Variants in DGKI observed in about 807,000 individuals in gnomAD.
DGKI encodes the protein diacylglycerol kinase iota.
Under a neutral mutation model 147.5 loss-of-function variants are expected in DGKI, and 55 were observed. That is an observed-to-expected ratio of 0.37 (90% CI 0.30 to 0.47). DGKI has a LOEUF of 0.47. Among genes scored for constraint, DGKI ranks in the 20% least tolerant of loss-of-function variants. DGKI has a pLI of 1.00. For missense variants in DGKI, 1,007 were observed against 1,323.8 expected (o/e 0.76, Z 3.71); for synonymous variants, 469 against 477.1 (o/e 0.98, Z 0.22).
At chr7:137,580,954 T>C (rs1293654183) in intron 15 of DGKI, among the ~76,000 whole-genome samples, 2 of 152,220 alleles carry the variant, frequency 1.3e-5, no homozygotes, top group East Asian at 3.9e-4. Flanking sequence ...TCTGGTTATA[T>C]ATATTCAGAA....
intron 21 of DGKI, among the ~76,000 whole-genome samples, chr7:137,520,423 A>G (rs1184443668): frequency 3.3e-5 from 5 of 152,082 alleles, no homozygotes; most frequent in African/African-American, 1.2e-4. Flanking sequence ...CTAACACTTT[A>G]TGGATCAAAC....
intron 21 of DGKI, among the ~76,000 whole-genome samples, chr7:137,509,259 T>C (rs1816493982): frequency 1.3e-5 from 2 of 151,954 alleles, no homozygotes; most frequent in Admixed American, 6.6e-5. Flanking sequence ...GTTAGAAAAA[T>C]CATTGGGAGT....
At chr7:137,636,156 C>A (rs1444210953) in intron 6 of DGKI, among the ~76,000 whole-genome samples, 1 of 152,112 alleles carries the variant, frequency 6.6e-6, no homozygotes, top group Non-Finnish European at 1.5e-5. Context: ...ATGCTATGAA[C>A]AATTTTAATA....
chr7:137,512,541 G>A (rs1332913823), intron 21 of DGKI, among the ~76,000 whole-genome samples: 1 of 152,120 alleles, frequency 6.6e-6, no homozygotes, highest in Non-Finnish European at 1.5e-5. Context: ...GGACTAGGCT[G>A]GTCTATAAAT....
chr7:137,434,296 G>A (rs889667357), intron 28 of DGKI, among the ~76,000 whole-genome samples: 5 of 151,798 alleles, frequency 3.3e-5, no homozygotes, highest in African/African-American at 7.3e-5. Context: ...GAGTATTCCC[G>A]CAGCTGGGCA....
At chr7:137,612,927 C>T (rs190013534) in intron 8 of DGKI, among the ~76,000 whole-genome samples, 19 of 152,212 alleles carry the variant, frequency 1.2e-4, no homozygotes, top group African/African-American at 4.3e-4. Flanking sequence ...ACATTCTGTG[C>T]CTGCTCTTTT....
intron 26 of DGKI, among the ~76,000 whole-genome samples, chr7:137,464,496 T>G (rs1814577779): frequency 6.6e-6 from 1 of 152,168 alleles, no homozygotes; most frequent in Non-Finnish European, 1.5e-5. Context: ...GAAGTTGGCC[T>G]TCCCCACCAC....
chr7:137,616,786 G>A (rs1019651132), intron 8 of DGKI, among the ~76,000 whole-genome samples: 3 of 152,182 alleles, frequency 2.0e-5, no homozygotes, highest in East Asian at 3.9e-4. Context: ...GGGTTGCTAA[G>A]GCATCAGCTT....
chr7:137,522,006 A>C lies in DGKI; in HGVS notation c.2148-40T>G, dbSNP rs1440726288. On this transcript the variant is annotated intron_variant, in intron 20 of 32. Transcript: ENST00000614521. ...CCGAGTGGTCAGATACAAATGAGAGAGCGGAATTGGTAGCCATGCACCTGA... is the reference window on the plus strand; with the variant it reads ...CCGAGTGGTCAGATACAAATGAGAGCGCGGAATTGGTAGCCATGCACCTGA... The C allele has an allele frequency of 2.7e-6, 4 of 1,493,968 alleles. No homozygotes were observed. In the African/African-American group the frequency reaches 4.2e-5, roughly 16 times the overall value. 92.5% of individuals were successfully genotyped at this position (1,493,968 alleles called of 1,614,324 possible).
Position 137,654,747 on chromosome 7 carries a change from T to G in DGKI, c.723A>C (p.Ser241=), listed in dbSNP as rs771239617. The G allele has an allele frequency of 1.8e-5, 29 of 1,608,588 alleles. No homozygotes were observed. Among genetic ancestry groups the G allele is most frequent in the Admixed American group, 5.0e-5 (3 of 59,804 alleles). ...RCKPTFREGG[S]RSPRENFVRH... is the part of the protein sequence containing the mutation. The stretch of plus-strand genomic sequence containing the variant: ...AAATACTCACTTCTCTTGGTGACCT[T>G]GAGCCTCCTTCTCGAAATGTTGGTT... The change falls in exon 5 of 33, where the codon TCA becomes TCC. Residue 241 remains serine (S), a synonymous_variant. Coordinates refer to ENST00000614521, the MANE Select transcript of DGKI (RefSeq NM_001321708.2).
At chr7:137,692,787 G>C (rs1823657653) in intron 1 of DGKI, among the ~76,000 whole-genome samples, 1 of 152,114 alleles carries the variant, frequency 6.6e-6, no homozygotes, top group Non-Finnish European at 1.5e-5. Context: ...AGGCCTTTTT[G>C]TTGATCACTT....
chr7:137,597,989 A>AGGTAGG, intron 11 of DGKI, 82 bp from the exon 12 acceptor site: 2 of 1,284,144 alleles, frequency 1.6e-6, no homozygotes, highest in South Asian at 2.5e-5. Context: ...CAACATGGGT[A>AGGTAGG]GGTAGGGGTG....
At chr7:137,623,354 A>T in intron 7 of DGKI, 129 bp downstream of exon 7, 1 of 825,644 alleles carries the variant, frequency 1.2e-6, no homozygotes, top group South Asian at 1.5e-5. Context: ...TCCTCCAAGG[A>T]TCCTATATGA....
chr7:137,428,081 G>C (rs953743752), intron 28 of DGKI, among the ~76,000 whole-genome samples: 1 of 146,342 alleles, frequency 6.8e-6, no homozygotes, highest in African/African-American at 2.5e-5. Context: ...TACCAAAGCC[G>C]GGCAGAGACA....
At chr7:137,567,989 T>C (rs1818649583) in intron 19 of DGKI, among the ~76,000 whole-genome samples, 1 of 152,204 alleles carries the variant, frequency 6.6e-6, no homozygotes, top group Non-Finnish European at 1.5e-5. Context: ...TTGAAAATTA[T>C]AAAAGCTGAG....
rs374054235 is a variant in DGKI at position 137,744,945 on chromosome 7, T to A, written c.402-54943A>T. Among the ~76,000 whole-genome samples, 18 of 152,216 alleles carry A rather than the reference T, an allele frequency of 1.2e-4. No individual in the cohort carries two copies. The South Asian group carries it at 3.5e-3, about 30-fold the overall frequency. ...CTCACAGCCAACATCATGCTGAATG[T>A]GCAAAAGTTGGAAGCATTCCCCCTA... is the stretch of plus-strand genomic sequence containing the variant. On this transcript the variant is annotated intron_variant, in intron 1 of 32. Coordinates refer to ENST00000614521, the MANE Select transcript of DGKI (RefSeq NM_001321708.2).
chr7:137,524,248 A>G (rs556457091), intron 20 of DGKI, among the ~76,000 whole-genome samples: 257 of 152,286 alleles, frequency 1.7e-3, no homozygotes, highest in African/African-American at 5.8e-3. Flanking sequence ...TATATGGCAT[A>G]AGCTCCTTCA....
chr7:137,421,764 A>G (rs984334354), intron 28 of DGKI, among the ~76,000 whole-genome samples: 5 of 152,220 alleles, frequency 3.3e-5, no homozygotes, highest in African/African-American at 1.2e-4. Flanking sequence ...TATCCACACT[A>G]TATCTTTCAC....
chr7:137,730,286 C>T (rs1585418943), intron 1 of DGKI, among the ~76,000 whole-genome samples: 1 of 152,098 alleles, frequency 6.6e-6, no homozygotes. Flanking sequence ...GGACCTGATG[C>T]CTTTCTGGGA....
Sources: allele counts gnomAD v4.1 joint callset (sites outside exome capture counted in the v4.1 genomes callset), GRCh38; gene constraint gnomAD v4.1.1; transcripts MANE v1.5; gene names NCBI Gene and HGNC (gene_info 2026-07-23, HGNC 2026-07-21).